CNTN4: variants seen among roughly 807,000 people sequenced by gnomAD.
CNTN4 encodes contactin 4, also known as contactin-4.
CNTN4 carries 77 observed loss-of-function variants against 122.5 expected under a neutral mutation model. That is an observed-to-expected ratio of 0.63 (90% confidence interval 0.52 to 0.76). CNTN4 has a LOEUF of 0.76. Among genes scored for constraint, CNTN4 ranks in the 30% least tolerant of loss-of-function variants. The pLI, the probability that CNTN4 is intolerant of heterozygous loss-of-function variation, is 0.00. For synonymous variants in CNTN4, 512 were observed against 447.0 expected (o/e 1.15, Z -1.83); for missense variants, 1,256 against 1,259.1 (o/e 1.00, Z 0.04).
chr3:2,698,861 T>C (rs1286715546), intron 4 of CNTN4, among the ~76,000 whole-genome samples: 1 of 152,026 alleles, frequency 6.6e-6, no homozygotes, highest in Non-Finnish European at 1.5e-5. Flanking sequence ...CTACTAAAAA[T>C]ACAAAACAAA....
chr3:2,415,215 G>A (rs1007891481), intron 3 of CNTN4, among the ~76,000 whole-genome samples: 2 of 152,146 alleles, frequency 1.3e-5, no homozygotes, highest in African/African-American at 2.4e-5. Context: ...TGTCTATTAT[G>A]TGGCTCCTCG....
At chr3:2,629,948 G>C (rs1442351221) in intron 4 of CNTN4, among the ~76,000 whole-genome samples, 1 of 152,118 alleles carries the variant, frequency 6.6e-6, no homozygotes, top group African/African-American at 2.4e-5. Flanking sequence ...TTCATCCTCT[G>C]CTAAGTTATC....
At chr3:3,013,644 CA>C (rs1239328933) in intron 14 of CNTN4, among the ~76,000 whole-genome samples, 14 of 151,430 alleles carry the variant, frequency 9.2e-5, no homozygotes, top group Admixed American at 3.9e-4. Flanking sequence ...TAACTAAATG[CA>C]AGATAACCTT....
intron 3 of CNTN4, among the ~76,000 whole-genome samples, chr3:2,421,925 A>T (rs894752557): frequency 1.3e-5 from 2 of 152,126 alleles, no homozygotes; most frequent in Non-Finnish European, 2.9e-5. Flanking sequence ...TCTGGGAGAG[A>T]ATTTGTACTT....
At chr3:2,154,534 A>C (rs2035636406) in intron 2 of CNTN4, among the ~76,000 whole-genome samples, 1 of 152,210 alleles carries the variant, frequency 6.6e-6, no homozygotes, top group South Asian at 2.1e-4. Flanking sequence ...GTCTGTGTGC[A>C]AAATAACTTT....
At chr3:2,262,873 G>T (rs1014655225) in intron 2 of CNTN4, among the ~76,000 whole-genome samples, 24 of 152,090 alleles carry the variant, frequency 1.6e-4, no homozygotes, top group African/African-American at 5.6e-4. Context: ...TGATGTCAGG[G>T]ATCCAGGATT....
At chr3:2,500,670 T>A (rs1181163059) in intron 3 of CNTN4, among the ~76,000 whole-genome samples, 1 of 152,166 alleles carries the variant, frequency 6.6e-6, no homozygotes, top group Non-Finnish European at 1.5e-5. Context: ...TCAGTATGTT[T>A]CTTTTTTTTC....
At chr3:2,783,806 A>G (rs1415387756) in intron 6 of CNTN4, among the ~76,000 whole-genome samples, 1 of 152,190 alleles carries the variant, frequency 6.6e-6, no homozygotes, top group Non-Finnish European at 1.5e-5. Flanking sequence ...ACTGCAGGCT[A>G]ATTGCTGCTG....
At chr3:2,555,094 G>A (rs1348855781) in intron 3 of CNTN4, among the ~76,000 whole-genome samples, 1 of 152,196 alleles carries the variant, frequency 6.6e-6, no homozygotes, top group African/African-American at 2.4e-5. Context: ...GAGTATCTGT[G>A]ATTCAGAAAC....
At chr3:2,100,744 G>A (rs1221731338) in intron 2 of CNTN4, 105 bp downstream of exon 2, 2 of 152,304 alleles carry the variant, frequency 1.3e-5, no homozygotes, top group African/African-American at 2.4e-5. Flanking sequence ...TCAAAAACAA[G>A]TTTCATGAGA....
chr3:2,696,730 C>A (rs977995872), intron 4 of CNTN4, among the ~76,000 whole-genome samples: 1 of 152,144 alleles, frequency 6.6e-6, no homozygotes, highest in African/African-American at 2.4e-5. Flanking sequence ...TGGAGGTTTG[C>A]CATTTGAGGA....
chr3:2,728,132 G>A (rs114020005), intron 4 of CNTN4, among the ~76,000 whole-genome samples: 3,227 of 152,234 alleles, frequency 0.021, 52 homozygotes, highest in Middle Eastern at 0.058. Context: ...TAGTGTGACA[G>A]CTGTCCAATC....
intron 18 of CNTN4, among the ~76,000 whole-genome samples, chr3:3,038,253 C>T (rs1006134356): frequency 6.6e-6 from 1 of 152,120 alleles, no homozygotes; most frequent in Non-Finnish European, 1.5e-5. Flanking sequence ...TGAATTAATT[C>T]CCCTCAGCAA....
intron 8 of CNTN4, among the ~76,000 whole-genome samples, chr3:2,867,781 A>G (rs2093740756): frequency 1.3e-5 from 2 of 151,942 alleles, no homozygotes; most frequent in Admixed American, 1.3e-4. Flanking sequence ...GTCTACGACC[A>G]TACCCCAAAA....
intron 2 of CNTN4, among the ~76,000 whole-genome samples, chr3:2,151,168 G>A (rs1440848131): frequency 6.6e-6 from 1 of 152,178 alleles, no homozygotes; most frequent in East Asian, 1.9e-4. Flanking sequence ...CAAGTGATCC[G>A]CCCACCTCAG....
intron 2 of CNTN4, among the ~76,000 whole-genome samples, chr3:2,245,226 C>T (rs2040097138): frequency 6.6e-6 from 1 of 151,954 alleles, no homozygotes; most frequent in Non-Finnish European, 1.5e-5. Flanking sequence ...AAGATAAAGT[C>T]ACTGTATTTT....
At chr3:2,854,834 A>G (rs546897030) in intron 7 of CNTN4, among the ~76,000 whole-genome samples, 1 of 152,286 alleles carries the variant, frequency 6.6e-6, no homozygotes, top group South Asian at 2.1e-4. Flanking sequence ...CCACCATTCA[A>G]CATTTTTTTC....
intron 2 of CNTN4, among the ~76,000 whole-genome samples, chr3:2,172,178 A>T (rs571844045): frequency 4.6e-5 from 7 of 152,348 alleles, no homozygotes; most frequent in African/African-American, 1.7e-4. Context: ...AAGAGTGGAT[A>T]AAGAAAATGG....
intron 3 of CNTN4, among the ~76,000 whole-genome samples, chr3:2,419,459 A>G (rs1163641163): frequency 1.3e-5 from 2 of 152,212 alleles, no homozygotes; most frequent in Admixed American, 1.3e-4. Flanking sequence ...GGCAGGGTAC[A>G]GAATAAACTG....
Sources: allele counts gnomAD v4.1 joint callset (sites outside exome capture counted in the v4.1 genomes callset), GRCh38; gene constraint gnomAD v4.1.1; transcripts MANE v1.5; gene names NCBI Gene and HGNC (gene_info 2026-07-23, HGNC 2026-07-21).